The following RBFOX1 variants were observed in gnomAD, a reference collection of about 807,000 sequenced individuals.
The protein encoded by RBFOX1 is RNA binding protein fox-1 homolog 1.
A neutral mutation model predicts 57.7 loss-of-function variants in RBFOX1; 8 were observed. The ratio of observed to expected loss-of-function variants is 0.14; its 90% CI spans 0.08 to 0.25. RBFOX1 has a LOEUF of 0.25. Among genes scored for constraint, RBFOX1 ranks in the 10% least tolerant of loss-of-function variants. The pLI is 1.00. For synonymous variants in RBFOX1, 326 were observed against 222.4 expected, an observed-to-expected ratio of 1.47 and a Z score of -4.15; for missense variants, 611 against 548.5, an observed-to-expected ratio of 1.11 and a Z score of -1.14.
chr16:6,350,690 G>C (rs2086212018), intron 2 of RBFOX1, among the ~76,000 whole-genome samples: 2 of 152,034 alleles, frequency 1.3e-5, no homozygotes, highest in South Asian at 4.2e-4. Context: ...GTAATTACTA[G>C]GTCCTAAAGC....
chr16:7,399,253 G>C (rs146823168), intron 4 of RBFOX1, among the ~76,000 whole-genome samples: 249 of 152,152 alleles, frequency 1.6e-3, no homozygotes, highest in Middle Eastern at 0.01. Flanking sequence ...TTTGAGACCA[G>C]CTTGACCAAC....
chr16:6,981,763 G>T (rs11859852), intron 3 of RBFOX1, among the ~76,000 whole-genome samples: 2 of 151,992 alleles, frequency 1.3e-5, no homozygotes, highest in East Asian at 3.9e-4. Context: ...ATTATTTCCC[G>T]CCTGGTTCCC....
chr16:7,336,474 C>T (rs1210426023), intron 4 of RBFOX1, among the ~76,000 whole-genome samples: 1 of 152,158 alleles, frequency 6.6e-6, no homozygotes, highest in Non-Finnish European at 1.5e-5. Flanking sequence ...GTAAATAGAG[C>T]CATATTCACC....
At chr16:7,068,089 CT>C (rs2153767715) in intron 4 of RBFOX1, among the ~76,000 whole-genome samples, 1 of 151,800 alleles carries the variant, frequency 6.6e-6, no homozygotes, top group South Asian at 2.1e-4. Context: ...TTCTCTCCTG[CT>C]TTTAAGGGTT....
intron 1 of RBFOX1, among the ~76,000 whole-genome samples, chr16:5,262,791 T>C (rs1411750189): frequency 6.6e-6 from 1 of 152,178 alleles, no homozygotes; most frequent in East Asian, 1.9e-4. Context: ...TTTCACTGTG[T>C]GTAGCATGGA....
At chr16:6,602,705 G>T (rs975569301) in intron 2 of RBFOX1, among the ~76,000 whole-genome samples, 1 of 152,176 alleles carries the variant, frequency 6.6e-6, no homozygotes, top group African/African-American at 2.4e-5. Context: ...ACTATGTCCA[G>T]GCTCAAGATG....
At chr16:7,694,271 C>CAT (rs1555788302) in intron 14 of RBFOX1, among the ~76,000 whole-genome samples, 3 of 152,184 alleles carry the variant, frequency 2.0e-5, no homozygotes, top group Non-Finnish European at 4.4e-5. Context: ...CAGACACATA[C>CAT]ATTAAACTGA....
chr16:7,548,216 G>C (rs1165273761), intron 5 of RBFOX1, among the ~76,000 whole-genome samples: 1 of 152,138 alleles, frequency 6.6e-6, no homozygotes, highest in Non-Finnish European at 1.5e-5. Context: ...CTGTCACCCA[G>C]GCTGGAGTAC....
chr16:5,856,494 A>G, intron 3 of RBFOX1, among the ~76,000 whole-genome samples: 1 of 130,978 alleles, frequency 7.6e-6, no homozygotes, highest in Non-Finnish European at 1.6e-5. Context: ...ACGTAACTGA[A>G]ATTTTGTGCA....
chr16:6,342,835 G>A (rs1298776564), intron 2 of RBFOX1, among the ~76,000 whole-genome samples: 2 of 152,100 alleles, frequency 1.3e-5, no homozygotes, highest in Non-Finnish European at 2.9e-5. Context: ...TTGACATTTT[G>A]TATTCATTTG....
At position 6,895,454 on chromosome 16, in the gene RBFOX1, A is replaced by ATG. The variant is rs1567761375; in HGVS notation, c.-15-156602_-15-156601insGT. 6.1e-3 allele frequency among the ~76,000 whole-genome samples: 453 copies of ATG among 74,132 alleles called. 15 individuals are homozygous for ATG. Among genetic ancestry groups the ATG allele is most frequent in the Non-Finnish European group, 7.5e-3 (292 of 39,136 alleles). 48.6% of individuals were successfully genotyped at this position (74,132 alleles called of 152,430 possible). On this transcript the variant is annotated intron_variant, in intron 3 of 15. Coordinates refer to ENST00000550418, the MANE Select transcript of RBFOX1 (RefSeq NM_018723.4). The stretch of plus-strand genomic sequence containing the variant: ...TGTGTGTGTGTGTGTGTGTGTATAT[A>ATG]TATATATATATATATATATATATAT...
At chr16:6,651,318 C>G (rs938720618) in intron 2 of RBFOX1, among the ~76,000 whole-genome samples, 2 of 152,234 alleles carry the variant, frequency 1.3e-5, no homozygotes, top group Admixed American at 6.5e-5. Context: ...CGCCATCTTT[C>G]TCTCCCAAGC....
At chr16:5,473,453 A>G (rs1203987001) in intron 2 of RBFOX1, among the ~76,000 whole-genome samples, 1 of 151,924 alleles carries the variant, frequency 6.6e-6, no homozygotes, top group Non-Finnish European at 1.5e-5. Flanking sequence ...AAAATTCCTA[A>G]TAAGCAGTAC....
At chr16:7,315,707 C>G (rs1240526695) in intron 4 of RBFOX1, among the ~76,000 whole-genome samples, 7 of 151,798 alleles carry the variant, frequency 4.6e-5, no homozygotes, top group African/African-American at 1.7e-4. Context: ...ACATATGATA[C>G]AGCATTTTGG....
intron 4 of RBFOX1, among the ~76,000 whole-genome samples, chr16:5,902,931 A>G (rs1180232943): frequency 6.6e-6 from 1 of 152,090 alleles, no homozygotes; most frequent in Admixed American, 6.5e-5. Context: ...ACCATGTGCT[A>G]ACCTTGCCCT....
intron 1 of RBFOX1, among the ~76,000 whole-genome samples, chr16:5,338,822 A>AT (rs1301926016): frequency 3.3e-5 from 5 of 151,480 alleles, no homozygotes; most frequent in East Asian, 1.9e-4. Flanking sequence ...ACACCTGCCT[A>AT]TTTTTTTTGT....
chr16:6,122,302 CT>C (rs1297076302), intron 1 of RBFOX1, among the ~76,000 whole-genome samples: 9 of 151,772 alleles, frequency 5.9e-5, no homozygotes, highest in African/African-American at 2.2e-4. Context: ...GGGAACAGTC[CT>C]CAATAATTTG....
chr16:5,573,704 A>G (rs2046359711), intron 2 of RBFOX1, among the ~76,000 whole-genome samples: 1 of 152,132 alleles, frequency 6.6e-6, no homozygotes, highest in Non-Finnish European at 1.5e-5. Context: ...GCTCACACCT[A>G]TAACTGCAAC....
At chr16:5,723,226 G>C (rs1325336323) in intron 3 of RBFOX1, among the ~76,000 whole-genome samples, 2 of 152,200 alleles carry the variant, frequency 1.3e-5, no homozygotes, top group Non-Finnish European at 2.9e-5. Flanking sequence ...GGCAGTAGAT[G>C]GATGACATGA....
Sources: gnomAD v4.1 joint callset for allele counts (sites outside exome capture counted in the v4.1 genomes callset) on GRCh38, gnomAD v4.1.1 for gene constraint, MANE v1.5 for transcripts, NCBI Gene and HGNC (gene_info 2026-07-23, HGNC 2026-07-21) for gene names.